PARP8: variants seen among roughly 807,000 people sequenced by gnomAD.
PARP8 encodes protein mono-ADP-ribosyltransferase PARP8.
A neutral mutation model predicts 124.1 loss-of-function variants in PARP8; 51 were observed. The ratio of observed to expected loss-of-function variants is 0.41; its 90% confidence interval spans 0.33 to 0.52. PARP8 has a LOEUF of 0.52. Ranked by LOEUF, PARP8 falls within the 20% of genes least tolerant of loss-of-function variation. PARP8 has a pLI of 0.21. For missense variants in PARP8, 860 were observed against 1,018.9 expected (o/e 0.84, Z 2.12); for synonymous variants, 391 against 361.5 (o/e 1.08, Z -0.93).
Position 50,841,989 on chromosome 5 carries a change from A to G in PARP8, c.2486A>G (p.Asp829Gly). 1.2e-6 allele frequency: 2 copies of G among 1,600,218 alleles called. No individual in the cohort carries two copies. Among genetic ancestry groups the G allele is most frequent in the Non-Finnish European group, 1.7e-6 (2 of 1,173,328 alleles). The stretch of plus-strand genomic sequence containing the variant: ...AGCTATGAAGACGGCCAAGTGGGAG[A>G]TGCAAATATTAATACACAAGAAGGA... Reference protein sequence around the residue: ...FFVYEDGQVGDANINTQEGGI... With the variant: ...FFVYEDGQVGGANINTQEGGI... Residue 829 changes from aspartate (D) to glycine (G), a missense_variant, in exon 26 of 26, where the codon GAT becomes GGT. Physicochemically the swap from Asp to Gly is moderately conservative, Grantham distance 94. Transcript: ENST00000281631.
intron 1 of PARP8, 138 bp from the exon 2 acceptor site, chr5:50,667,933 G>A: frequency 1.9e-6 from 3 of 1,547,604 alleles, no homozygotes; most frequent in Non-Finnish European, 2.6e-6. Flanking sequence ...CGGCGCAGAG[G>A]GACCTCGCCG....
chr5:50,679,511 TG>T (rs1203972262), intron 2 of PARP8, among the ~76,000 whole-genome samples: 4 of 152,212 alleles, frequency 2.6e-5, no homozygotes, highest in African/African-American at 9.6e-5. Context: ...TGTTTCAGGG[TG>T]GGCTCTAGAG....
rs1281564386 is a variant in PARP8, at chr5:50,799,247, G to A, written c.1575+2014G>A. Among the ~76,000 whole-genome samples, 9 of 152,186 alleles carry A rather than the reference G, an allele frequency of 5.9e-5. 1 individual carries two copies. In the East Asian group the frequency reaches 7.7e-4, roughly 13 times the overall value. ...CTTTTTGAGTTAATTTTTGTATATG[G>A]TGTTAGGTTGGGGTCCAAAGTCATT... On this transcript the variant is annotated intron_variant, in intron 14 of 25. Transcript: ENST00000281631.
Position 50,759,471 on chromosome 5 carries a change from C to T in PARP8, c.185-172C>T, listed in dbSNP as rs375823846. 1.7e-3 allele frequency among the ~76,000 whole-genome samples: 261 copies of T among 152,268 alleles called. 2 individuals are homozygous for T. Among genetic ancestry groups the T allele is most frequent in the African/African-American group, 5.9e-3 (247 of 41,552 alleles). ...AAAGAGACTATTTACAATTACTTCA[C>T]ACATAAATCTGCAATTTACTTTATC... On this transcript the variant is annotated intron_variant, in intron 3 of 25. Transcript: ENST00000281631.
rs779423047 is a variant in PARP8 at position 50,778,664 on chromosome 5, CTTTA to C, written c.670+21_670+24del. On this transcript the variant is annotated intron_variant, in intron 9 of 25. Coordinates refer to ENST00000281631, the MANE Select transcript of PARP8 (RefSeq NM_024615.4). ...TAAATGGCCCAGGTTAGTTTTATTT[CTTTA>C]TTTATTATTTTGAATATTAATTAGC... 2 of 1,530,512 alleles carry C rather than the reference CTTTA, an allele frequency of 1.3e-6. No individual in the cohort carries two copies. Among genetic ancestry groups the C allele is most frequent in the African/African-American group, 1.4e-5 (1 of 72,182 alleles). 94.8% of individuals were successfully genotyped at this position (1,530,512 alleles called of 1,614,324 possible).
At chr5:50,778,040 A>G (rs1438932483) in intron 7 of PARP8, 29 bp from the exon 8 acceptor site, 1 of 1,555,342 alleles carries the variant, frequency 6.4e-7, no homozygotes, top group East Asian at 2.3e-5. Flanking sequence ...CATTAAAATG[A>G]AAAAAACAGT....
chr5:50,800,665 A>G (rs757989560), intron 14 of PARP8, among the ~76,000 whole-genome samples: 6 of 149,722 alleles, frequency 4.0e-5, no homozygotes, highest in South Asian at 2.1e-4. Context: ...TGATATTACT[A>G]TGTTTTTCTT....
At chr5:50,834,110 A>G in intron 24 of PARP8, 62 bp downstream of exon 24, 1 of 1,324,132 alleles carries the variant, frequency 7.6e-7, no homozygotes, top group South Asian at 1.2e-5. Flanking sequence ...AATTAAAAAT[A>G]TAAGTATATT....
At chr5:50,788,371 G>T (rs1741544227) in intron 9 of PARP8, 152 bp from the exon 10 acceptor site, 1 of 546,970 alleles carries the variant, frequency 1.8e-6, no homozygotes. Context: ...TGTGCATATA[G>T]CATAAATAGC....
chr5:50,807,459 A>G (rs1244312624), intron 14 of PARP8, among the ~76,000 whole-genome samples: 2 of 152,074 alleles, frequency 1.3e-5, no homozygotes. Context: ...AACCAAATGC[A>G]TAGTTCTCTC....
chr5:50,734,969 A>G lies in PARP8; in HGVS notation c.147-15182A>G, dbSNP rs141861849. Reference sequence around the variant, plus strand: ...TCAAATCATAACAATTAATATTAAAATATGCAGAATAATATATAGTTATAA... The same window carrying G: ...TCAAATCATAACAATTAATATTAAAGTATGCAGAATAATATATAGTTATAA... On this transcript the variant is annotated intron_variant, in intron 2 of 25. Transcript: ENST00000281631. Among the ~76,000 whole-genome samples the G allele has an allele frequency of 8.3e-3, 1,257 of 152,252 alleles. 8 individuals are homozygous for G. Among genetic ancestry groups the G allele is most frequent in the Non-Finnish European group, 0.012 (824 of 67,992 alleles).
chr5:50,666,221 G>A (rs1225687899), upstream of PARP8, among the ~76,000 whole-genome samples: 2 of 152,094 alleles, frequency 1.3e-5, no homozygotes, highest in Admixed American at 6.5e-5. Flanking sequence ...GGCCTTTTCC[G>A]TGTTATGTGA....
chr5:50,694,729 T>A (rs1277427626), intron 2 of PARP8, among the ~76,000 whole-genome samples: 1 of 152,084 alleles, frequency 6.6e-6, no homozygotes, highest in Non-Finnish European at 1.5e-5. Context: ...ACTCACACAA[T>A]CACAAGGTGA....
intron 15 of PARP8, among the ~76,000 whole-genome samples, chr5:50,820,636 GC>G (rs1279765014): frequency 6.6e-6 from 1 of 152,180 alleles, no homozygotes; most frequent in African/African-American, 2.4e-5. Flanking sequence ...CCTGGAGCAT[GC>G]CAAAGTCTTT....
At chr5:50,839,013 A>G (rs190942363) in intron 25 of PARP8, among the ~76,000 whole-genome samples, 49 of 151,814 alleles carry the variant, frequency 3.2e-4, no homozygotes, top group Non-Finnish European at 5.9e-5. Context: ...ATTTGTAGAG[A>G]TGAGGTCTTA....
intron 2 of PARP8, among the ~76,000 whole-genome samples, chr5:50,735,833 G>C (rs1482783718): frequency 6.6e-6 from 1 of 151,760 alleles, no homozygotes; most frequent in African/African-American, 2.4e-5. Flanking sequence ...TTATAAAGGG[G>C]ATTTAACCTT....
intron 7 of PARP8, 22 bp from the exon 8 acceptor site, chr5:50,778,046 AC>A (rs1740234090): frequency 6.4e-7 from 1 of 1,572,800 alleles, no homozygotes; most frequent in African/African-American, 1.4e-5. Flanking sequence ...AATGAAAAAA[AC>A]AGTGTTAATT....
intron 2 of PARP8, among the ~76,000 whole-genome samples, chr5:50,674,470 T>A (rs555228805): frequency 6.6e-6 from 1 of 152,388 alleles, no homozygotes; most frequent in East Asian, 1.9e-4. Flanking sequence ...ACCTAGTGTC[T>A]TAAAATTCTT....
chr5:50,735,725 C>A (rs1757401997), intron 2 of PARP8, among the ~76,000 whole-genome samples: 1 of 152,110 alleles, frequency 6.6e-6, no homozygotes, highest in Admixed American at 6.6e-5. Context: ...GAATAAGATA[C>A]ATAGAGAAAT....
Sources: allele counts gnomAD v4.1 joint callset (sites outside exome capture counted in the v4.1 genomes callset), GRCh38; gene constraint gnomAD v4.1.1; transcripts MANE v1.5; gene names NCBI Gene and HGNC (gene_info 2026-07-23, HGNC 2026-07-21).